The following GRIK4 variants were observed in gnomAD, a reference collection of about 807,000 sequenced individuals.
GRIK4 encodes the protein glutamate receptor ionotropic, kainate 4.
In GRIK4, 40 loss-of-function variants were observed where a neutral mutation model predicts 104.9. The ratio of observed to expected loss-of-function variants is 0.38; its 90% CI spans 0.30 to 0.50. GRIK4 has a LOEUF of 0.50. GRIK4 is among the 20% of genes least tolerant of loss of function. The probability of loss-of-function intolerance (pLI) is 0.93; values close to 1 mark genes in which losing one functional copy is unlikely to be tolerated. For missense variants in GRIK4, 1,047 were observed against 1,308.1 expected (o/e 0.80, Z 3.08); for synonymous variants, 485 against 524.9 (o/e 0.92, Z 1.04).
At chr11:120,624,839 A>G (rs2135171624) in intron 1 of GRIK4, among the ~76,000 whole-genome samples, 1 of 152,326 alleles carries the variant, frequency 6.6e-6, no homozygotes, top group South Asian at 2.1e-4. Context: ...AAAGCTACAC[A>G]GAAATAAAGA....
At chr11:120,565,377 T>G (rs1429269225) in intron 1 of GRIK4, among the ~76,000 whole-genome samples, 1 of 152,212 alleles carries the variant, frequency 6.6e-6, no homozygotes, top group Non-Finnish European at 1.5e-5. Context: ...CTCCTTTAAT[T>G]AGCAGGAATG....
rs1944797404 is a variant in GRIK4 at position 120,988,684 on chromosome 11, G to C, written c.*2424G>C. On this transcript the variant is annotated 3_prime_UTR_variant, in exon 21 of 21. Transcript: ENST00000527524. ...TTCCACTTTTTATCTGTTGGTTGTT[G>C]GCTTTCTTTTCCATTCTGTATTTTC... is the stretch of plus-strand genomic sequence containing the variant. 1 of 152,016 alleles carries C rather than the reference G, an allele frequency of 6.6e-6. No individual in the cohort carries two copies. Among genetic ancestry groups the C allele is most frequent in the Non-Finnish European group, 1.5e-5 (1 of 68,008 alleles). The allele number at this position is 152,016 out of a possible 1,614,324, so 9.4% of individuals were successfully genotyped here.
At chr11:120,684,848 T>C (rs1950251125) in intron 3 of GRIK4, among the ~76,000 whole-genome samples, 1 of 152,230 alleles carries the variant, frequency 6.6e-6, no homozygotes, top group Admixed American at 6.5e-5. Flanking sequence ...TAGCTGGGAC[T>C]ACAGGCGCCC....
chr11:120,922,525 C>T (rs1943246945), intron 13 of GRIK4, among the ~76,000 whole-genome samples: 1 of 152,246 alleles, frequency 6.6e-6, no homozygotes, highest in African/African-American at 2.4e-5. Flanking sequence ...CCTCTGCCCT[C>T]TGGCCATCCC....
intron 3 of GRIK4, among the ~76,000 whole-genome samples, chr11:120,707,382 C>T (rs537392324): frequency 2.1e-4 from 32 of 152,270 alleles, no homozygotes; most frequent in South Asian, 1.0e-3. Flanking sequence ...CCTGCCAGTG[C>T]GGGTAAAATC....
At chr11:120,535,365 T>C (rs1393484264) in intron 1 of GRIK4, among the ~76,000 whole-genome samples, 1 of 101,160 alleles carries the variant, frequency 9.9e-6, no homozygotes, top group Non-Finnish European at 2.1e-5. Flanking sequence ...AAGAGGGGAG[T>C]GTGAAGGGGG....
rs1214397604 is a variant in GRIK4, at chr11:120,517,074, C to G, written c.-159+5187C>G. Among the ~76,000 whole-genome samples the G allele has an allele frequency of 2.0e-5, 3 of 148,764 alleles. 1 individual carries two copies. The highest frequency in any genetic ancestry group is 7.6e-5 in the African/African-American group (3 of 39,286). On this transcript the variant is annotated intron_variant, in intron 1 of 20. Transcript: ENST00000527524. The stretch of plus-strand genomic sequence containing the variant: ...CGCCGCCCTCCCTCCACGGTACCCT[C>G]GTGTCTGATATTCACTGCCCTGGAA...
rs146912546 is a variant in GRIK4 at position 120,665,892 on chromosome 11, G to A, written c.82+5492G>A. 2.8e-3 allele frequency among the ~76,000 whole-genome samples: 423 copies of A among 152,236 alleles called. 3 individuals are homozygous for A. Among genetic ancestry groups the A allele is most frequent in the African/African-American group, 9.4e-3 (390 of 41,536 alleles). On this transcript the variant is annotated intron_variant, in intron 3 of 20. Transcript: ENST00000527524. ...AGGCTGGCATGCTGTGGTGTCATCC[G>A]TCTTCCCTTGGTCTTCAGGAGCCAA...
At chr11:120,523,036 G>A (rs1484353902) in intron 1 of GRIK4, among the ~76,000 whole-genome samples, 3 of 151,720 alleles carry the variant, frequency 2.0e-5, no homozygotes, top group Admixed American at 1.3e-4. Context: ...GGGGACAGGA[G>A]CCTGAGGACT....
chr11:120,557,480 T>A (rs1021882599), intron 1 of GRIK4, among the ~76,000 whole-genome samples: 1 of 152,294 alleles, frequency 6.6e-6, no homozygotes, highest in East Asian at 1.9e-4. Flanking sequence ...GCCAAGACAA[T>A]CTGAATTAAT....
At chr11:120,827,504 G>T (rs1482440947) in intron 6 of GRIK4, among the ~76,000 whole-genome samples, 3 of 152,242 alleles carry the variant, frequency 2.0e-5, no homozygotes, top group Non-Finnish European at 4.4e-5. Flanking sequence ...GGTGGAAGTG[G>T]ATGGGGTGTG....
At chr11:120,950,778 A>G (rs956048447) in intron 14 of GRIK4, among the ~76,000 whole-genome samples, 1 of 152,184 alleles carries the variant, frequency 6.6e-6, no homozygotes, top group African/African-American at 2.4e-5. Flanking sequence ...GGACACAGGA[A>G]TGATTAACTG....
intron 1 of GRIK4, among the ~76,000 whole-genome samples, chr11:120,539,387 T>A (rs1591682518): frequency 1.3e-5 from 2 of 152,226 alleles, no homozygotes; most frequent in East Asian, 3.9e-4. Context: ...TATGTTCGTA[T>A]CCACTTCGTA....
chr11:120,645,230 G>A (rs3902978), intron 1 of GRIK4, among the ~76,000 whole-genome samples: 15,394 of 152,178 alleles, frequency 0.1, 1,492 homozygotes, highest in African/African-American at 0.26. Context: ...TCCTCTGACC[G>A]TGCCTTGGCA....
chr11:120,919,806 G>T (rs1277983305), intron 13 of GRIK4, among the ~76,000 whole-genome samples: 2 of 152,160 alleles, frequency 1.3e-5, no homozygotes, highest in Non-Finnish European at 2.9e-5. Context: ...TTATTGAATG[G>T]GGAGACAACA....
rs747740847 is a variant in GRIK4 at position 120,985,954 on chromosome 11, T to C, written c.2565T>C (p.Cys855=). 5.2e-6 allele frequency: 8 copies of C among 1,546,412 alleles called. No homozygotes were observed. In the East Asian group the frequency reaches 2.0e-4, roughly 38 times the overall value. Residue 855 remains cysteine, a synonymous_variant, in exon 21 of 21, where the codon TGT becomes TGC. Coordinates refer to ENST00000527524, the MANE Select transcript of GRIK4 (RefSeq NM_014619.5). ...MVTELRSIIL[C]QDSIHPRRRR... Reference sequence around the variant, plus strand: ...CCGAGCTGCGCAGCATTATCCTGTGTCAGGACAGTATCCACCCCCGCCGGC... The same window carrying C: ...CCGAGCTGCGCAGCATTATCCTGTGCCAGGACAGTATCCACCCCCGCCGGC...
chr11:120,684,156 C>T (rs1242804452), intron 3 of GRIK4, among the ~76,000 whole-genome samples: 1 of 152,028 alleles, frequency 6.6e-6, no homozygotes, highest in Non-Finnish European at 1.5e-5. Context: ...GAGACCCTGG[C>T]TCTACAAAAA....
chr11:120,911,325 G>A (rs1194589812), intron 13 of GRIK4, among the ~76,000 whole-genome samples: 2 of 147,724 alleles, frequency 1.4e-5, no homozygotes, highest in South Asian at 2.2e-4. Context: ...TGCAAGCTCC[G>A]CCTCCCGGGT....
At chr11:120,898,829 G>T (rs541539186) in intron 12 of GRIK4, among the ~76,000 whole-genome samples, 190 bp downstream of exon 12, 1 of 152,310 alleles carries the variant, frequency 6.6e-6, no homozygotes, top group South Asian at 2.1e-4. Context: ...TCCAGAGCAG[G>T]TGGGGGGAGG....
Sources: allele counts gnomAD v4.1 joint callset (sites outside exome capture counted in the v4.1 genomes callset), GRCh38; gene constraint gnomAD v4.1.1; transcripts MANE v1.5; gene names NCBI Gene and HGNC (gene_info 2026-07-23, HGNC 2026-07-21).